The following C1orf87 variants were observed in gnomAD, a reference collection of about 807,000 sequenced individuals.
C1orf87 encodes the protein chromosome 1 open reading frame 87, also known as uncharacterized protein C1orf87.
C1orf87 carries 58 observed loss-of-function variants against 60.5 expected under a neutral mutation model. That is an observed-to-expected ratio of 0.96 (90% CI 0.78 to 1.19). The LOEUF is 1.19. Ranked by LOEUF, C1orf87 falls within the 50% of genes most tolerant of loss-of-function variation. The probability of loss-of-function intolerance (pLI) is 0.00; values close to 1 mark genes in which losing one functional copy is unlikely to be tolerated. For synonymous variants in C1orf87, 236 were observed against 227.4 expected (o/e 1.04, Z -0.34); for missense variants, 673 against 638.6 (o/e 1.05, Z -0.58).
chr1:60,053,040 C>T (rs1645425863), intron 3 of C1orf87, among the ~76,000 whole-genome samples: 1 of 152,118 alleles, frequency 6.6e-6, no homozygotes, highest in Non-Finnish European at 1.5e-5. Context: ...CCTGTACTGC[C>T]GAGCTAGCAA....
chr1:60,042,523 C>G (rs1357696447), intron 3 of C1orf87, among the ~76,000 whole-genome samples: 1 of 152,202 alleles, frequency 6.6e-6, no homozygotes, highest in Non-Finnish European at 1.5e-5. Flanking sequence ...CCAAGACGCT[C>G]TCTAGAGTGA....
intron 9 of C1orf87, among the ~76,000 whole-genome samples, chr1:60,005,071 T>C (rs1165414978): frequency 6.6e-6 from 1 of 152,082 alleles, no homozygotes; most frequent in Non-Finnish European, 1.5e-5. Context: ...CTGACTTTAA[T>C]AAAAGCTTCT....
intron 5 of C1orf87, among the ~76,000 whole-genome samples, chr1:60,039,656 C>G (rs1483990051): frequency 6.6e-6 from 1 of 152,082 alleles, no homozygotes; most frequent in East Asian, 1.9e-4. Context: ...CTGTAACTAC[C>G]CTAACATTGT....
Position 60,033,145 on chromosome 1 carries a change from T to C in C1orf87, c.1029+331A>G, listed in dbSNP as rs568751053. 7.2e-5 allele frequency among the ~76,000 whole-genome samples: 11 copies of C among 152,340 alleles called. No individual in the cohort carries two copies. The East Asian group carries it at 1.9e-3, about 27-fold the overall frequency. ...GTTGGGACACCACATGCTGTTCTCA[T>C]TGGAAGCCAGGAAAGAGTGTGAGAA... is the stretch of plus-strand genomic sequence containing the variant. On this transcript the variant is annotated intron_variant, in intron 7 of 11. Coordinates refer to ENST00000371201, the MANE Select transcript of C1orf87 (RefSeq NM_152377.3).
chr1:60,028,254 T>C (rs937272063), intron 7 of C1orf87, among the ~76,000 whole-genome samples: 1 of 152,194 alleles, frequency 6.6e-6, no homozygotes, highest in African/African-American at 2.4e-5. Flanking sequence ...GAGATTATTC[T>C]AAAAACAGAT....
rs547419998 is a variant in C1orf87 at position 60,048,850 on chromosome 1, T to C, written c.342+6354A>G. Among the ~76,000 whole-genome samples, 4 of 152,098 alleles carry C rather than the reference T, an allele frequency of 2.6e-5. No homozygotes were observed. The East Asian group carries it at 7.7e-4, about 29-fold the overall frequency. Reference sequence around the variant, plus strand: ...TTCTACCTCACTTTTATTCAATTAATAATGTATCTTGTTATATTACTCCAC... The same window carrying C: ...TTCTACCTCACTTTTATTCAATTAACAATGTATCTTGTTATATTACTCCAC... On this transcript the variant is annotated intron_variant, in intron 3 of 11. Coordinates refer to ENST00000371201, the MANE Select transcript of C1orf87 (RefSeq NM_152377.3).
At chr1:59,993,474 AATAG>A (rs1244156925) in intron 11 of C1orf87, among the ~76,000 whole-genome samples, 2 of 152,140 alleles carry the variant, frequency 1.3e-5, no homozygotes, top group East Asian at 1.9e-4. Flanking sequence ...TGCTTATTAA[AATAG>A]ATAGCATTTA....
chr1:59,997,452 C>T (rs184608012), intron 11 of C1orf87, among the ~76,000 whole-genome samples, 157 bp downstream of exon 11: 3 of 152,194 alleles, frequency 2.0e-5, no homozygotes, highest in South Asian at 2.1e-4. Context: ...CTGTCTGATT[C>T]GTCTTCATAT....
chr1:60,022,799 T>C (rs563775946), intron 8 of C1orf87, among the ~76,000 whole-genome samples: 1 of 152,134 alleles, frequency 6.6e-6, no homozygotes, highest in African/African-American at 2.4e-5. Flanking sequence ...TAAGAATTAC[T>C]TGAACACAAG....
intron 7 of C1orf87, among the ~76,000 whole-genome samples, chr1:60,025,900 T>C (rs1645195373): frequency 6.6e-6 from 1 of 152,192 alleles, no homozygotes; most frequent in Non-Finnish European, 1.5e-5. Flanking sequence ...CTTGTTGTAT[T>C]AGCAGGGTTA....
intron 8 of C1orf87, among the ~76,000 whole-genome samples, chr1:60,018,857 T>C (rs1460260812): frequency 6.6e-6 from 1 of 152,214 alleles, no homozygotes; most frequent in Non-Finnish European, 1.5e-5. Flanking sequence ...TTTTCTGTAT[T>C]GCTCTTATCA....
rs200484186 is a variant in C1orf87, at chr1:60,001,249, C to A, written c.1193-93G>T. On this transcript the variant is annotated intron_variant, in intron 9 of 11. Transcript: ENST00000371201. The stretch of plus-strand genomic sequence containing the variant: ...CACAAGGCAACAACAACAGCAACAA[C>A]AAAAAAATGGAGGCTTTGCTCTGTG... 1,539 of 855,812 alleles carry A rather than the reference C, an allele frequency of 1.8e-3. 11 individuals are homozygous for A. Among genetic ancestry groups the A allele is most frequent in the East Asian group, 0.01 (329 of 31,938 alleles). The allele number at this position is 855,812 out of a possible 1,614,324, so 53.0% of individuals were successfully genotyped here. A position where few individuals can be genotyped will look rare whatever the true frequency, so the allele number is the denominator to read the frequency against.
intron 2 of C1orf87, among the ~76,000 whole-genome samples, chr1:60,070,954 A>G (rs1261586373): frequency 6.6e-6 from 1 of 152,214 alleles, no homozygotes; most frequent in Non-Finnish European, 1.5e-5. Context: ...AATAACCTAA[A>G]TAAGGAATGG....
intron 2 of C1orf87, among the ~76,000 whole-genome samples, chr1:60,070,255 G>C (rs114536463): frequency 1.3e-5 from 2 of 152,264 alleles, no homozygotes; most frequent in Non-Finnish European, 2.9e-5. Context: ...TGTCTTGCAG[G>C]AAATCTGAGC....
At chr1:60,047,329 C>T (rs1645379464) in intron 3 of C1orf87, among the ~76,000 whole-genome samples, 1 of 151,996 alleles carries the variant, frequency 6.6e-6, no homozygotes, top group Non-Finnish European at 1.5e-5. Context: ...TACATTTAAA[C>T]ATATTTAATG....
intron 11 of C1orf87, among the ~76,000 whole-genome samples, chr1:59,995,340 C>T (rs1336640803): frequency 6.6e-6 from 1 of 152,170 alleles, no homozygotes; most frequent in Non-Finnish European, 1.5e-5. Context: ...CTTTTCATCT[C>T]CTTCTCTCCA....
intron 11 of C1orf87, among the ~76,000 whole-genome samples, chr1:59,994,962 T>C (rs1013340023): frequency 6.6e-6 from 1 of 152,138 alleles, no homozygotes; most frequent in Non-Finnish European, 1.5e-5. Flanking sequence ...TTAAAGACAG[T>C]TGTAGATTTT....
chr1:59,992,299 A>G (rs1452294796), intron 11 of C1orf87, among the ~76,000 whole-genome samples: 1 of 151,782 alleles, frequency 6.6e-6, no homozygotes, highest in Non-Finnish European at 1.5e-5. Flanking sequence ...TCTGTTGCCT[A>G]GGCTGGAGTA....
chr1:60,044,657 C>T (rs1184797426), intron 3 of C1orf87, among the ~76,000 whole-genome samples: 1 of 152,108 alleles, frequency 6.6e-6, no homozygotes, highest in Non-Finnish European at 1.5e-5. Flanking sequence ...AGATTTCTCC[C>T]TTGCTGATTT....
Sources: allele counts gnomAD v4.1 joint callset (sites outside exome capture counted in the v4.1 genomes callset), GRCh38; gene constraint gnomAD v4.1.1; transcripts MANE v1.5; gene names NCBI Gene and HGNC (gene_info 2026-07-23, HGNC 2026-07-21).